The following HHAT variants were observed in gnomAD, a reference collection of about 807,000 sequenced individuals.
The protein encoded by HHAT is protein-cysteine N-palmitoyltransferase HHAT.
HHAT carries 47 observed loss-of-function variants against 70.8 expected under a neutral mutation model. The observed-to-expected ratio is 0.66, with a 90% CI of 0.53 to 0.85. The LOEUF is 0.85. HHAT is among the 40% of genes least tolerant of loss of function. The pLI is 0.00. For synonymous variants in HHAT, 228 were observed against 247.6 expected (o/e 0.92, Z 0.74); for missense variants, 609 against 604.8 (o/e 1.01, Z -0.07).
intron 10 of HHAT, among the ~76,000 whole-genome samples, chr1:210,619,072 A>G (rs556766413): frequency 1.4e-3 from 209 of 152,282 alleles, no homozygotes; most frequent in Non-Finnish European, 2.6e-3. Context: ...GAGGAATTGG[A>G]GGTCTGCCCT....
At chr1:210,357,684 G>T (rs1260428737) in intron 2 of HHAT, among the ~76,000 whole-genome samples, 1 of 152,196 alleles carries the variant, frequency 6.6e-6, no homozygotes, top group African/African-American at 2.4e-5. Flanking sequence ...GCCGGGTGTG[G>T]TGGCGGGCGC....
In HHAT at chr1:210,550,840, G is replaced by A. The variant is rs569061828; in HGVS notation, c.1044-37058G>A. On this transcript the variant is annotated intron_variant, in intron 9 of 11. Transcript: ENST00000261458. The stretch of plus-strand genomic sequence containing the variant: ...ATACGCTACCACCCCCAGATAATTT[G>A]TATTTTTAGTAGAGACAGGGTTTCA... Among the ~76,000 whole-genome samples, 2 of 148,674 alleles carry A rather than the reference G, an allele frequency of 1.3e-5. 1 individual carries two copies. Among genetic ancestry groups the A allele is most frequent in the Admixed American group, 1.4e-4 (2 of 14,462 alleles).
chr1:210,457,168 C>T (rs1416883971), intron 7 of HHAT, among the ~76,000 whole-genome samples: 4 of 152,168 alleles, frequency 2.6e-5, no homozygotes, highest in Non-Finnish European at 4.4e-5. Context: ...CTTCCTCCTT[C>T]ACCCCCGGCG....
intron 8 of HHAT, among the ~76,000 whole-genome samples, chr1:210,503,783 C>A (rs560698881): frequency 3.9e-5 from 5 of 128,710 alleles, no homozygotes; most frequent in African/African-American, 1.3e-4. Context: ...GGTGACCTTT[C>A]ATTTGGCAAA....
intron 9 of HHAT, among the ~76,000 whole-genome samples, chr1:210,555,035 G>A (rs575353035): frequency 6.6e-6 from 1 of 152,272 alleles, no homozygotes; most frequent in Non-Finnish European, 1.5e-5. Context: ...GAGGCCAGAG[G>A]AAGGAAAGAA....
chr1:210,329,733 C>G (rs1042229266), intron 1 of HHAT, among the ~76,000 whole-genome samples: 2 of 152,122 alleles, frequency 1.3e-5, no homozygotes, highest in Non-Finnish European at 2.9e-5. Flanking sequence ...GACATTGCTT[C>G]TCTTTCTGTT....
At chr1:210,645,365 C>T (rs1573967644) in intron 11 of HHAT, among the ~76,000 whole-genome samples, 1 of 152,152 alleles carries the variant, frequency 6.6e-6, no homozygotes, top group African/African-American at 2.4e-5. Flanking sequence ...GCAAGCTCTG[C>T]CCCCCGGGTT....
At chr1:210,608,539 C>T (rs1410018907) in intron 10 of HHAT, among the ~76,000 whole-genome samples, 1 of 151,922 alleles carries the variant, frequency 6.6e-6, no homozygotes, top group African/African-American at 2.4e-5. Flanking sequence ...GCTAGTTTTG[C>T]CTGTTGACTC....
intron 6 of HHAT, among the ~76,000 whole-genome samples, chr1:210,417,455 G>A (rs921559991): frequency 9.9e-5 from 15 of 152,186 alleles, no homozygotes; most frequent in Middle Eastern, 3.4e-3. Context: ...GGCTGGTCTC[G>A]AACTCCTGAC....
At chr1:210,487,667 G>C (rs1282666289) in intron 8 of HHAT, among the ~76,000 whole-genome samples, 1 of 152,170 alleles carries the variant, frequency 6.6e-6, no homozygotes, top group Non-Finnish European at 1.5e-5. Flanking sequence ...ATATTATTTT[G>C]AGCTAAAAGA....
intron 9 of HHAT, among the ~76,000 whole-genome samples, chr1:210,574,016 A>G (rs1222086953): frequency 2.0e-5 from 3 of 152,156 alleles, no homozygotes; most frequent in Non-Finnish European, 4.4e-5. Context: ...ACTCTGGTGG[A>G]GTAAGAAGGG....
chr1:210,365,854 G>A (rs2088900132), intron 3 of HHAT, among the ~76,000 whole-genome samples: 1 of 151,794 alleles, frequency 6.6e-6, no homozygotes, highest in African/African-American at 2.4e-5. Context: ...GACCTCAAGT[G>A]ATCCACCTGC....
intron 2 of HHAT, among the ~76,000 whole-genome samples, chr1:210,356,252 A>G (rs569598332): frequency 6.6e-6 from 1 of 152,238 alleles, no homozygotes. Flanking sequence ...CTACCCTAGA[A>G]CCTTCTGATT....
At chr1:210,598,365 A>G (rs755883482) in intron 10 of HHAT, among the ~76,000 whole-genome samples, 12 of 152,006 alleles carry the variant, frequency 7.9e-5, no homozygotes, top group Admixed American at 4.6e-4. Context: ...CGTGTCCCCA[A>G]AATCAACTGG....
intron 11 of HHAT, among the ~76,000 whole-genome samples, chr1:210,669,763 C>A (rs1346092930): frequency 6.6e-6 from 1 of 152,202 alleles, no homozygotes; most frequent in East Asian, 1.9e-4. Context: ...GTGTAGGGGG[C>A]TTCAGCCCTA....
At chr1:210,496,762 G>C (rs1332269640) in intron 8 of HHAT, among the ~76,000 whole-genome samples, 1 of 152,212 alleles carries the variant, frequency 6.6e-6, no homozygotes, top group African/African-American at 2.4e-5. Context: ...TTAAGATCGT[G>C]AATATGAACA....
chr1:210,530,972 C>T (rs1055402482), intron 9 of HHAT, among the ~76,000 whole-genome samples: 3 of 152,132 alleles, frequency 2.0e-5, no homozygotes, highest in African/African-American at 7.2e-5. Flanking sequence ...AACAAGGATA[C>T]ATTCTGAGAA....
At chr1:210,550,532 T>C (rs2095519332) in intron 9 of HHAT, among the ~76,000 whole-genome samples, 2 of 149,118 alleles carry the variant, frequency 1.3e-5, no homozygotes, top group South Asian at 4.3e-4. Context: ...ATAGTAGGTA[T>C]TCAGTTAATG....
At chr1:210,599,071 A>C (rs1663658103) in intron 10 of HHAT, among the ~76,000 whole-genome samples, 1 of 152,346 alleles carries the variant, frequency 6.6e-6, no homozygotes, top group African/African-American at 2.4e-5. Context: ...CTGATCGTCT[A>C]CAACAGGGTT....
Sources: allele counts gnomAD v4.1 joint callset (sites outside exome capture counted in the v4.1 genomes callset), GRCh38; gene constraint gnomAD v4.1.1; transcripts MANE v1.5; gene names NCBI Gene and HGNC (gene_info 2026-07-23, HGNC 2026-07-21).